NBEA: variants seen among roughly 807,000 people sequenced by gnomAD.
NBEA encodes neurobeachin, also known as lysosomal-trafficking regulator 2.
NBEA carries 44 observed loss-of-function variants against 343.4 expected under a neutral mutation model. The ratio of observed to expected loss-of-function variants is 0.13; its 90% CI spans 0.10 to 0.16. The LOEUF is 0.16. Ranked by LOEUF, NBEA falls within the 10% of genes least tolerant of loss-of-function variation. The pLI is 1.00. For missense variants in NBEA, 2,555 were observed against 3,631.3 expected, an observed-to-expected ratio of 0.70 and a Z score of 7.62; for synonymous variants, 1,175 against 1,238.7, an observed-to-expected ratio of 0.95 and a Z score of 1.08.
chr13:35,189,744 A>G (rs1008710419), intron 30 of NBEA, among the ~76,000 whole-genome samples: 4 of 152,090 alleles, frequency 2.6e-5, no homozygotes, highest in Admixed American at 2.6e-4. Context: ...CTTTTCTAAA[A>G]GTAGTATTTT....
At chr13:35,113,960 G>A (rs896288275) in intron 13 of NBEA, among the ~76,000 whole-genome samples, 1 of 152,042 alleles carries the variant, frequency 6.6e-6, no homozygotes, top group African/African-American at 2.4e-5. Context: ...ATGGATTATG[G>A]GACAAATGCC....
In NBEA at chr13:35,354,982, C is replaced by T. The variant is rs561358853; in HGVS notation, c.6179+2659C>T. Among the ~76,000 whole-genome samples, 12 of 152,188 alleles carry T rather than the reference C, an allele frequency of 7.9e-5. 1 individual carries two copies. In the South Asian group the frequency reaches 2.5e-3, roughly 32 times the overall value. On this transcript the variant is annotated intron_variant, in intron 38 of 58. Transcript: ENST00000379939. ...CCAAACCAGTTTCTCTTATATTTTT[C>T]TCCATCTCAGCCAAAGGCAACTCCA...
chr13:35,201,007 A>ACTTT (rs142303667), intron 31 of NBEA, among the ~76,000 whole-genome samples: 146,083 of 151,898 alleles, frequency 0.96, 70,515 homozygotes, highest in East Asian at 1. Flanking sequence ...TGTTCTTATT[A>ACTTT]CTATTTTTTT....
intron 34 of NBEA, among the ~76,000 whole-genome samples, chr13:35,289,288 G>A (rs563337222): frequency 1.3e-5 from 2 of 151,918 alleles, no homozygotes; most frequent in Admixed American, 6.6e-5. Context: ...GAAGAAAAAT[G>A]ATAGTATTTC....
chr13:35,475,284 A>C, intron 41 of NBEA: 1 of 1,614,018 alleles, frequency 6.2e-7, no homozygotes, highest in East Asian at 2.2e-5. Context: ...ACTCTCGGGG[A>C]TGCTTTTCAC....
chr13:35,607,758 TA>T (rs56180939), intron 48 of NBEA, among the ~76,000 whole-genome samples: 32,805 of 149,236 alleles, frequency 0.22, 3,936 homozygotes, highest in East Asian at 0.35. Flanking sequence ...TCATTTAAAG[TA>T]AAAAAAAAAT....
intron 1 of NBEA, among the ~76,000 whole-genome samples, chr13:34,989,838 A>G (rs2152514680): frequency 6.6e-6 from 1 of 151,192 alleles, no homozygotes; most frequent in Admixed American, 6.6e-5. Context: ...TAAACAAGTT[A>G]GTTACCTCCA....
chr13:35,480,096 A>G (rs2076062901), intron 41 of NBEA, among the ~76,000 whole-genome samples: 1 of 149,842 alleles, frequency 6.7e-6, no homozygotes. Flanking sequence ...ATAGCACACC[A>G]TTATCATAAA....
intron 38 of NBEA, among the ~76,000 whole-genome samples, chr13:35,376,191 C>T (rs1360935291): frequency 2.0e-5 from 3 of 152,074 alleles, no homozygotes; most frequent in Non-Finnish European, 4.4e-5. Flanking sequence ...TTTTCCATTA[C>T]GGGTGCTGTT....
In NBEA at chr13:35,015,136, AAAACAAAC is replaced by A. The variant is rs1359434581; in HGVS notation, c.295-25793_295-25786del. Among the ~76,000 whole-genome samples, 15 of 133,964 alleles carry A rather than the reference AAAACAAAC, an allele frequency of 1.1e-4. 1 individual carries two copies. The highest frequency in any genetic ancestry group is 2.1e-4 in the East Asian group (1 of 4,774). 87.9% of individuals were successfully genotyped at this position (133,964 alleles called of 152,430 possible). ...AAAAGCAACGAGATCTGAAAAAAAAAAAACAAACAAAAAAAAAAAACCACACACAAAGC... is the reference window on the plus strand; with the variant it reads ...AAAAGCAACGAGATCTGAAAAAAAAAAAAAAAAAAAAACCACACACAAAGC... On this transcript the variant is annotated intron_variant, in intron 1 of 58. Transcript: ENST00000379939.
At chr13:35,277,028 G>A (rs1250354338) in intron 34 of NBEA, among the ~76,000 whole-genome samples, 1 of 152,108 alleles carries the variant, frequency 6.6e-6, no homozygotes, top group Admixed American at 6.5e-5. Flanking sequence ...CAATAACAAT[G>A]CAACATAAGC....
chr13:35,544,117 T>G (rs1322215155), intron 41 of NBEA, among the ~76,000 whole-genome samples: 1 of 152,206 alleles, frequency 6.6e-6, no homozygotes, highest in Non-Finnish European at 1.5e-5. Context: ...TAGGGATTTG[T>G]AACTTTAAAT....
chr13:35,642,925 A>G (rs1425178875), intron 49 of NBEA, among the ~76,000 whole-genome samples: 2 of 151,398 alleles, frequency 1.3e-5, no homozygotes, highest in Non-Finnish European at 2.9e-5. Flanking sequence ...GGAATCTAGT[A>G]TGTAGTAGGT....
intron 11 of NBEA, among the ~76,000 whole-genome samples, chr13:35,108,828 A>G (rs2066045815): frequency 6.6e-6 from 1 of 152,142 alleles, no homozygotes; most frequent in Admixed American, 6.6e-5. Flanking sequence ...AGCATACTAT[A>G]TCATCCAAGG....
chr13:35,481,313 A>G (rs1460628403), intron 41 of NBEA, among the ~76,000 whole-genome samples: 2 of 151,928 alleles, frequency 1.3e-5, no homozygotes, highest in African/African-American at 4.8e-5. Context: ...GACTTGAAGT[A>G]ATACTGGATA....
intron 17 of NBEA, among the ~76,000 whole-genome samples, chr13:35,125,187 T>C (rs1332014968): frequency 2.0e-5 from 3 of 152,124 alleles, no homozygotes; most frequent in African/African-American, 4.8e-5. Flanking sequence ...CTATCACAAA[T>C]GTTATCACAA....
intron 1 of NBEA, among the ~76,000 whole-genome samples, chr13:34,957,516 C>G (rs751401178): frequency 2.6e-5 from 4 of 152,114 alleles, no homozygotes; most frequent in Non-Finnish European, 5.9e-5. Context: ...TATCCCAAGT[C>G]CTCCTTTATC....
chr13:35,149,839 C>T (rs1194856070), intron 18 of NBEA, among the ~76,000 whole-genome samples: 1 of 152,046 alleles, frequency 6.6e-6, no homozygotes, highest in Non-Finnish European at 1.5e-5. Context: ...GTAGTACTAA[C>T]CTTTAAATAA....
At chr13:35,266,476 C>T (rs913356702) in intron 34 of NBEA, among the ~76,000 whole-genome samples, 2 of 151,696 alleles carry the variant, frequency 1.3e-5, no homozygotes, top group African/African-American at 4.8e-5. Flanking sequence ...AGAAAATACG[C>T]TATATATACA....
Sources: allele counts gnomAD v4.1 joint callset (sites outside exome capture counted in the v4.1 genomes callset), GRCh38; gene constraint gnomAD v4.1.1; transcripts MANE v1.5; gene names NCBI Gene and HGNC (gene_info 2026-07-23, HGNC 2026-07-21).